The following DIPK2A variants were observed in gnomAD, a reference collection of about 807,000 sequenced individuals.
The protein encoded by DIPK2A is Golgi Protein of 49 kDa.
Under a neutral mutation model 39.0 loss-of-function variants are expected in DIPK2A, and 27 were observed. The ratio of observed to expected loss-of-function variants is 0.69; its 90% CI spans 0.51 to 0.96. The LOEUF is 0.96. Ranked by LOEUF, DIPK2A falls within the 40% of genes least tolerant of loss-of-function variation. The pLI is 0.00. For missense variants in DIPK2A, 528 were observed against 571.3 expected (o/e 0.92, Z 0.77); for synonymous variants, 298 against 240.8 (o/e 1.24, Z -2.20).
At chr3:143,973,216 C>G (rs1398291062) in intron 1 of DIPK2A, 7 of 1,061,302 alleles carry the variant, frequency 6.6e-6, no homozygotes. Flanking sequence ...GATTCGGGCG[C>G]ATTTCGGATT....
intron 1 of DIPK2A, chr3:143,978,602 CTATATATATATATCTATATCTATA>C (rs2087765246): frequency 1.5e-5 from 2 of 137,538 alleles, no homozygotes; most frequent in Non-Finnish European, 3.1e-5. Flanking sequence ...ATCTATCTAT[CTATATATATATATCTATATCTATA>C]TATATATATA....
rs763971694 is a variant in DIPK2A at position 143,972,534 on chromosome 3, C to G, written c.202C>G (p.Leu68Val). The G allele has an allele frequency of 1.2e-6, 2 of 1,612,118 alleles. No homozygotes were observed. The highest frequency in any genetic ancestry group is 2.2e-5 in the South Asian group (2 of 91,008). ...CFGTSWCRRF[L>V]NGQVVFEAWG... is the part of the protein sequence containing the mutation. ...CGGCACGAGCTGGTGCCGCCGCTTC[C>G]TCAACGGGCAGGTGGTATTCGAGGC... The change falls in exon 1 of 3, where the codon CTC becomes GTC. Residue 68 changes from leucine (L) to valine (V), a missense_variant. Physicochemically the swap from Leu to Val is conservative, Grantham distance 32. Around this residue, in one of 2 missense-constraint regions of DIPK2A, gnomAD observed 309 missense variants for 289.8 expected, o/e 1.07. Transcript: ENST00000315691.
chr3:143,988,477 G>A (rs1245963432), intron 2 of DIPK2A, among the ~76,000 whole-genome samples: 1 of 152,002 alleles, frequency 6.6e-6, no homozygotes, highest in Non-Finnish European at 1.5e-5. Flanking sequence ...TGCTACAATG[G>A]CCTCTTGTTT....
At chr3:143,973,445 C>T in intron 1 of DIPK2A, 1 of 1,551,152 alleles carries the variant, frequency 6.4e-7, no homozygotes, top group East Asian at 2.4e-5. Context: ...GCGCTGGTGG[C>T]TGGCCTAACT....
chr3:143,984,135 T>G (rs1389695347), intron 1 of DIPK2A, among the ~76,000 whole-genome samples: 1 of 152,210 alleles, frequency 6.6e-6, no homozygotes, highest in African/African-American at 2.4e-5. Context: ...TGTTCTGGAT[T>G]GGGTATTGGC....
intron 1 of DIPK2A, among the ~76,000 whole-genome samples, chr3:143,976,159 TTTC>T (rs1331824939): frequency 2.6e-5 from 4 of 152,106 alleles, no homozygotes; most frequent in Admixed American, 2.6e-4. Context: ...AGAGTATGGC[TTTC>T]TTCTTATTGT....
At chr3:143,979,746 CTA>C (rs1261580925) in intron 1 of DIPK2A, among the ~76,000 whole-genome samples, 1 of 152,018 alleles carries the variant, frequency 6.6e-6, no homozygotes, top group Non-Finnish European at 1.5e-5. Flanking sequence ...AAAAGATAAT[CTA>C]TTTCTATTAA....
At chr3:143,978,616 C>CTA (rs59804208) in intron 1 of DIPK2A, 1 of 126,122 alleles carries the variant, frequency 7.9e-6, no homozygotes, top group African/African-American at 2.9e-5. Flanking sequence ...ATATATATAT[C>CTA]TATATCTATA....
chr3:143,972,059 G>A lies in DIPK2A; in HGVS notation c.-274G>A. ...CGCTCCTCTATAACTTGGCTGGCGT[G>A]GAGGAGGCGCCGCCGGAGTCGGAGG... On this transcript the variant is annotated 5_prime_UTR_variant, in exon 1 of 3. Transcript: ENST00000315691. 2.7e-6 allele frequency: 1 copy of A among 370,966 alleles called. No individual in the cohort carries two copies. 23.0% of individuals were successfully genotyped at this position (370,966 alleles called of 1,614,324 possible). A position where few individuals can be genotyped will look rare whatever the true frequency, so the allele number is the denominator to read the frequency against.
At chr3:143,974,287 A>G (rs1255016082) in intron 1 of DIPK2A, among the ~76,000 whole-genome samples, 1 of 152,206 alleles carries the variant, frequency 6.6e-6, no homozygotes, top group Non-Finnish European at 1.5e-5. Flanking sequence ...GCTTCAGATG[A>G]AACTTTAGTG....
At chr3:143,979,255 T>C (rs1042167444) in intron 1 of DIPK2A, among the ~76,000 whole-genome samples, 5 of 152,172 alleles carry the variant, frequency 3.3e-5, no homozygotes, top group African/African-American at 1.2e-4. Flanking sequence ...GATTAGGGAT[T>C]TGTCTCATAT....
At chr3:143,980,530 G>A (rs922900672) in intron 1 of DIPK2A, among the ~76,000 whole-genome samples, 2 of 152,140 alleles carry the variant, frequency 1.3e-5, no homozygotes, top group East Asian at 3.8e-4. Context: ...GCCTCCCAAA[G>A]TGCTGGGATT....
chr3:143,987,847 C>T (rs2087925648), intron 2 of DIPK2A, among the ~76,000 whole-genome samples: 1 of 152,214 alleles, frequency 6.6e-6, no homozygotes, highest in African/African-American at 2.4e-5. Flanking sequence ...ACGTAGACCT[C>T]TGCCTTGCCA....
chr3:143,975,986 C>G (rs1056794376), intron 1 of DIPK2A, among the ~76,000 whole-genome samples: 1 of 152,040 alleles, frequency 6.6e-6, no homozygotes, highest in African/African-American at 2.4e-5. Context: ...ATCCATTAAA[C>G]TCACCTCTTC....
intron 1 of DIPK2A, among the ~76,000 whole-genome samples, chr3:143,981,586 T>C (rs529578025): frequency 1.5e-4 from 23 of 152,336 alleles, no homozygotes; most frequent in Admixed American, 1.3e-3. Context: ...AGCATAATGT[T>C]GGCTTCTGGA....
In DIPK2A at chr3:143,972,468, G is replaced by A. The variant is rs746304279; in HGVS notation, c.136G>A (p.Asp46Asn). ...CTCTTGGCAGCGCAACGAACTGACC[G>A]ACCGGCGCTTCCTGCAGCTCAATAA... ...LASWQRNELT[D>N]RRFLQLNKCP... Residue 46 changes from aspartate to asparagine, a missense_variant, in exon 1 of 3, where the codon GAC (aspartate) becomes AAC (asparagine). Asp to Asn is a conservative substitution (Grantham distance 23, BLOSUM62 1). This residue lies in a region of DIPK2A where 309 missense variants were observed against 289.8 expected (regional missense o/e 1.07). Transcript: ENST00000315691. The A allele has an allele frequency of 1.9e-6, 3 of 1,604,710 alleles. No homozygotes were observed. The South Asian group carries it at 3.3e-5, about 18-fold the overall frequency.
At chr3:143,987,053 A>G (rs956775887) in intron 2 of DIPK2A, among the ~76,000 whole-genome samples, 2 of 152,114 alleles carry the variant, frequency 1.3e-5, no homozygotes, top group African/African-American at 4.8e-5. Context: ...TTCAGATTTT[A>G]TACTTACCAG....
chr3:143,989,313 G>A (rs762799587), intron 2 of DIPK2A, among the ~76,000 whole-genome samples, 197 bp from the exon 3 acceptor site: 1 of 152,270 alleles, frequency 6.6e-6, no homozygotes, highest in Non-Finnish European at 1.5e-5. Flanking sequence ...AGACCTTTCT[G>A]AATCTTTCTG....
chr3:143,988,928 A>T (rs1171705192), intron 2 of DIPK2A, among the ~76,000 whole-genome samples: 1 of 152,196 alleles, frequency 6.6e-6, no homozygotes, highest in Non-Finnish European at 1.5e-5. Context: ...ATCTTTCTAT[A>T]AAATAAATTA....
Sources: allele counts gnomAD v4.1 joint callset (sites outside exome capture counted in the v4.1 genomes callset), GRCh38; gene constraint gnomAD v4.1.1; regional missense constraint gnomAD v4.1.1; transcripts MANE v1.5; gene names NCBI Gene and HGNC (gene_info 2026-07-23, HGNC 2026-07-21).